The following SHISA9 variants were observed in gnomAD, a reference collection of about 807,000 sequenced individuals.
SHISA9 encodes protein shisa-9.
SHISA9 carries 13 observed loss-of-function variants against 38.0 expected under a neutral mutation model. The ratio of observed to expected loss-of-function variants is 0.34; its 90% CI spans 0.22 to 0.54. The LOEUF (loss-of-function observed/expected upper bound fraction) is 0.54, where lower values mean the gene tolerates loss of function less well. Among genes scored for constraint, SHISA9 ranks in the 20% least tolerant of loss-of-function variants. SHISA9 has a pLI of 0.91. For synonymous variants in SHISA9, 275 were observed against 242.0 expected (o/e 1.14, Z -1.27); for missense variants, 538 against 575.8 (o/e 0.93, Z 0.67).
intron 2 of SHISA9, among the ~76,000 whole-genome samples, chr16:13,036,542 G>GGT (rs1258420352): frequency 6.6e-6 from 1 of 152,094 alleles, no homozygotes; most frequent in Non-Finnish European, 1.5e-5. Flanking sequence ...GTATCTTGAT[G>GGT]GTGGGGCTAG....
At chr16:12,957,255 G>C (rs1412108643) in intron 2 of SHISA9, among the ~76,000 whole-genome samples, 1 of 152,168 alleles carries the variant, frequency 6.6e-6, no homozygotes, top group Non-Finnish European at 1.5e-5. Flanking sequence ...CAAGCATAGG[G>C]CTTGGAAACA....
At chr16:13,179,243 C>T (rs564453815) in intron 2 of SHISA9, among the ~76,000 whole-genome samples, 159 of 152,140 alleles carry the variant, frequency 1.0e-3, no homozygotes, top group Admixed American at 2.2e-3. Flanking sequence ...AACCAGGAGG[C>T]GGAGGTTGCA....
chr16:13,065,974 C>G (rs527493688), intron 2 of SHISA9, among the ~76,000 whole-genome samples: 10 of 152,218 alleles, frequency 6.6e-5, no homozygotes, highest in Non-Finnish European at 1.3e-4. Flanking sequence ...AAAGTGCAAG[C>G]TTGTGAAAGG....
the SHISA9 span, among the ~76,000 whole-genome samples, chr16:13,343,000 T>C: frequency 2.0e-5 from 3 of 152,272 alleles, no homozygotes; most frequent in Admixed American, 1.3e-4. Context: ...ATGAGTCTGT[T>C]GTAAAGATTA....
intron 2 of SHISA9, among the ~76,000 whole-genome samples, chr16:12,984,247 G>A (rs2072278557): frequency 6.6e-6 from 1 of 152,146 alleles, no homozygotes. Context: ...GGTGCTGAGT[G>A]CCAGAAAGAA....
chr16:13,435,225 A>T, the SHISA9 span, among the ~76,000 whole-genome samples: 1 of 140,668 alleles, frequency 7.1e-6, no homozygotes, highest in Non-Finnish European at 1.6e-5. Context: ...CATTCTTAGA[A>T]TCTTTTTTTT....
chr16:13,320,292 C>CAAAAGA, the SHISA9 span, among the ~76,000 whole-genome samples: 1 of 38,978 alleles, frequency 2.6e-5, no homozygotes, highest in Non-Finnish European at 5.8e-5. Flanking sequence ...GACTCTGTCT[C>CAAAAGA]AAAAAAAAAA....
At chr16:13,423,484 T>G in the SHISA9 span, among the ~76,000 whole-genome samples, 1 of 152,184 alleles carries the variant, frequency 6.6e-6, no homozygotes, top group Non-Finnish European at 1.5e-5. Flanking sequence ...CCGAGAGAGA[T>G]CCATCGTTTA....
At chr16:12,948,603 A>G (rs2071716003) in intron 2 of SHISA9, among the ~76,000 whole-genome samples, 1 of 152,218 alleles carries the variant, frequency 6.6e-6, no homozygotes, top group African/African-American at 2.4e-5. Flanking sequence ...TTTCTCATAC[A>G]CGGTGACTTC....
chr16:13,313,036 ACGAGGTCAGGAGTT>A, the SHISA9 span, among the ~76,000 whole-genome samples: 1 of 151,670 alleles, frequency 6.6e-6, no homozygotes, highest in Non-Finnish European at 1.5e-5. Flanking sequence ...CGGGCGGATC[ACGAGGTCAGGAGTT>A]CGAGACCATC....
At chr16:13,157,100 C>T (rs556737255) in intron 2 of SHISA9, among the ~76,000 whole-genome samples, 14 of 152,120 alleles carry the variant, frequency 9.2e-5, no homozygotes, top group Non-Finnish European at 1.9e-4. Flanking sequence ...TTTCCATCTC[C>T]CCTGCTGTCA....
chr16:13,020,914 A>T (rs2072844660), intron 2 of SHISA9, among the ~76,000 whole-genome samples: 1 of 152,186 alleles, frequency 6.6e-6, no homozygotes, highest in Non-Finnish European at 1.5e-5. Flanking sequence ...GCCCTGCTGG[A>T]TTCTTAGCTG....
chr16:13,487,318 A>G, the SHISA9 span, among the ~76,000 whole-genome samples: 1 of 152,218 alleles, frequency 6.6e-6, no homozygotes, highest in Non-Finnish European at 1.5e-5. Flanking sequence ...TAAAGAAAAG[A>G]GCTTTAATTG....
chr16:13,378,474 C>T, the SHISA9 span, among the ~76,000 whole-genome samples: 4 of 152,128 alleles, frequency 2.6e-5, no homozygotes, highest in African/African-American at 9.7e-5. Context: ...GTCTTGTGTC[C>T]ATCTCTGAAA....
chr16:13,479,081 C>G, the SHISA9 span, among the ~76,000 whole-genome samples: 1 of 152,166 alleles, frequency 6.6e-6, no homozygotes, highest in Non-Finnish European at 1.5e-5. Context: ...CTGGAAGAAT[C>G]CCATTCCTTG....
the SHISA9 span, among the ~76,000 whole-genome samples, chr16:13,312,621 G>A: frequency 2.0e-5 from 3 of 152,046 alleles, no homozygotes; most frequent in Non-Finnish European, 2.9e-5. Context: ...CACAGACAAG[G>A]AAAATCAAAT....
chr16:13,111,411 C>T (rs962751386), intron 2 of SHISA9, among the ~76,000 whole-genome samples: 14 of 151,278 alleles, frequency 9.3e-5, no homozygotes, highest in Admixed American at 4.0e-4. Context: ...TCTCAGATGG[C>T]AGACTCCCTG....
At chr16:13,359,516 TTTTA>T in the SHISA9 span, among the ~76,000 whole-genome samples, 13 of 152,148 alleles carry the variant, frequency 8.5e-5, no homozygotes, top group Non-Finnish European at 1.3e-4. Flanking sequence ...ATAATTTTTA[TTTTA>T]TTTATTTATT....
At chr16:13,309,229 A>G in the SHISA9 span, among the ~76,000 whole-genome samples, 1 of 152,184 alleles carries the variant, frequency 6.6e-6, no homozygotes, top group Admixed American at 6.5e-5. Context: ...CAGGAAGAAT[A>G]ACTAATGGAT....
Sources: gnomAD v4.1 joint callset for allele counts (sites outside exome capture counted in the v4.1 genomes callset) on GRCh38, gnomAD v4.1.1 for gene constraint, MANE v1.5 for transcripts, NCBI Gene and HGNC (gene_info 2026-07-23, HGNC 2026-07-21) for gene names.